The following KCND2 variants were observed in gnomAD, a reference collection of about 807,000 sequenced individuals.
KCND2 encodes potassium voltage-gated channel subfamily D member 2.
In KCND2, 16 loss-of-function variants were observed where a neutral mutation model predicts 54.4. The observed-to-expected ratio is 0.29, with a 90% CI of 0.20 to 0.45. The LOEUF is 0.45. Among genes scored for constraint, KCND2 ranks in the 20% least tolerant of loss-of-function variants. The pLI, the probability that KCND2 is intolerant of heterozygous loss-of-function variation, is 1.00. For synonymous variants in KCND2, 317 were observed against 310.7 expected, an observed-to-expected ratio of 1.02 and a Z score of -0.21; for missense variants, 486 against 824.2, an observed-to-expected ratio of 0.59 and a Z score of 5.02.
chr7:120,599,361 C>A (rs1562884321), intron 1 of KCND2, among the ~76,000 whole-genome samples: 1 of 150,822 alleles, frequency 6.6e-6, no homozygotes, highest in Non-Finnish European at 1.5e-5. Context: ...TTATTTGTCT[C>A]AAAAAAAAAT....
At chr7:120,697,066 G>A (rs1262560743) in intron 1 of KCND2, among the ~76,000 whole-genome samples, 1 of 152,008 alleles carries the variant, frequency 6.6e-6, no homozygotes, top group African/African-American at 2.4e-5. Flanking sequence ...TCAGTAAAAC[G>A]GTCATCATTT....
chr7:120,498,252 C>A (rs1213680412), intron 1 of KCND2, among the ~76,000 whole-genome samples: 1 of 152,080 alleles, frequency 6.6e-6, no homozygotes, highest in Non-Finnish European at 1.5e-5. Flanking sequence ...GAGGCCGAGG[C>A]GGGTGGATCA....
At position 120,583,784 on chromosome 7, in the gene KCND2, T is replaced by TGGGG. The variant is rs36108636; in HGVS notation, c.1116-149112_1116-149109dup. Among the ~76,000 whole-genome samples the TGGGG allele has an allele frequency of 2.6e-3, 374 of 142,604 alleles. 4 individuals carry two copies. Among genetic ancestry groups the TGGGG allele is most frequent in the African/African-American group, 9.5e-3 (346 of 36,378 alleles). 93.6% of individuals were successfully genotyped at this position (142,604 alleles called of 152,430 possible). A position where few individuals can be genotyped will look rare whatever the true frequency, so the allele number is the denominator to read the frequency against. Reference sequence around the variant, plus strand: ...GGTTAGGAATTCAGCATAGGAATTGTGGGGGGGGGGACAAAATTCAGCACA... The same window carrying TGGGG: ...GGTTAGGAATTCAGCATAGGAATTGTGGGGGGGGGGGGGGACAAAATTCAGCACA... On this transcript the variant is annotated intron_variant, in intron 1 of 5. Transcript: ENST00000331113.
intron 1 of KCND2, among the ~76,000 whole-genome samples, chr7:120,609,773 C>CA (rs754019143): frequency 2.6e-5 from 4 of 152,072 alleles, no homozygotes; most frequent in South Asian, 2.1e-4. Context: ...GCCCCTTGTA[C>CA]AAAAAATTAT....
intron 1 of KCND2, among the ~76,000 whole-genome samples, chr7:120,500,112 A>G (rs1006436266): frequency 6.6e-6 from 1 of 152,288 alleles, no homozygotes; most frequent in African/African-American, 2.4e-5. Context: ...TGAGTGTTCC[A>G]TTATAATAAT....
At chr7:120,595,231 C>A (rs1792723030) in intron 1 of KCND2, among the ~76,000 whole-genome samples, 1 of 150,332 alleles carries the variant, frequency 6.7e-6, no homozygotes, top group African/African-American at 2.4e-5. Context: ...ACGGGCAAAT[C>A]ACTTGAGGTC....
intron 1 of KCND2, among the ~76,000 whole-genome samples, chr7:120,296,163 C>T (rs527259218): frequency 6.6e-6 from 1 of 152,158 alleles, no homozygotes; most frequent in East Asian, 1.9e-4. Flanking sequence ...CATTCAGTCT[C>T]CTTTTGGCAG....
chr7:120,498,254 G>A (rs1485734595), intron 1 of KCND2, among the ~76,000 whole-genome samples: 6 of 152,168 alleles, frequency 3.9e-5, no homozygotes. Context: ...GGCCGAGGCG[G>A]GTGGATCAAG....
chr7:120,330,581 CAAAAAAAAAAA>C (rs3067024), intron 1 of KCND2, among the ~76,000 whole-genome samples: 1 of 48,382 alleles, frequency 2.1e-5, no homozygotes, highest in Non-Finnish European at 3.3e-5. Flanking sequence ...AACTCTGTCT[CAAAAAAAAAAA>C]AAAAAAAAAA....
intron 1 of KCND2, among the ~76,000 whole-genome samples, chr7:120,407,178 A>G (rs982945135): frequency 6.6e-6 from 1 of 152,004 alleles, no homozygotes; most frequent in Non-Finnish European, 1.5e-5. Flanking sequence ...TGAATGTGAA[A>G]TGTTTTTCCC....
chr7:120,692,190 C>A (rs1315924594), intron 1 of KCND2, among the ~76,000 whole-genome samples: 1 of 152,094 alleles, frequency 6.6e-6, no homozygotes, highest in African/African-American at 2.4e-5. Flanking sequence ...TCAAAGGAAG[C>A]TTTTTCATTT....
intron 1 of KCND2, among the ~76,000 whole-genome samples, chr7:120,697,149 T>G (rs1402075668): frequency 6.6e-6 from 1 of 152,188 alleles, no homozygotes; most frequent in African/African-American, 2.4e-5. Context: ...GTTTTCATTC[T>G]AATTACAGAT....
At chr7:120,645,058 G>A (rs1241717429) in intron 1 of KCND2, among the ~76,000 whole-genome samples, 1 of 152,102 alleles carries the variant, frequency 6.6e-6, no homozygotes, top group Non-Finnish European at 1.5e-5. Flanking sequence ...TATTCAGACA[G>A]CATGTGTTAT....
At chr7:120,361,942 G>T (rs1289878789) in intron 1 of KCND2, among the ~76,000 whole-genome samples, 1 of 152,012 alleles carries the variant, frequency 6.6e-6, no homozygotes, top group Non-Finnish European at 1.5e-5. Flanking sequence ...CTTTTCTGTG[G>T]ATCCAATAAA....
chr7:120,663,533 A>G (rs1189123536), intron 1 of KCND2, among the ~76,000 whole-genome samples: 1 of 152,168 alleles, frequency 6.6e-6, no homozygotes, highest in African/African-American at 2.4e-5. Flanking sequence ...GATAGATATA[A>G]CAATAGAAAT....
chr7:120,579,627 A>AATAT (rs1456157461), intron 1 of KCND2, among the ~76,000 whole-genome samples: 6 of 148,358 alleles, frequency 4.0e-5, no homozygotes, highest in Non-Finnish European at 8.9e-5. Context: ...TAAATAAATA[A>AATAT]ATAAATAAAT....
chr7:120,369,593 C>T (rs1471010506), intron 1 of KCND2, among the ~76,000 whole-genome samples: 1 of 152,016 alleles, frequency 6.6e-6, no homozygotes, highest in African/African-American at 2.4e-5. Context: ...AATATGAAAT[C>T]CCTCATTTTA....
At chr7:120,295,118 G>A (rs940809061) in intron 1 of KCND2, among the ~76,000 whole-genome samples, 6 of 151,728 alleles carry the variant, frequency 4.0e-5, no homozygotes, top group Admixed American at 6.6e-5. Context: ...GTAAGAATTC[G>A]TATTGATGCC....
At chr7:120,292,347 C>G (rs1346449639) in intron 1 of KCND2, among the ~76,000 whole-genome samples, 1 of 151,760 alleles carries the variant, frequency 6.6e-6, no homozygotes, top group Non-Finnish European at 1.5e-5. Context: ...GCAATATTAT[C>G]CAAATACCTT....
Sources: allele counts gnomAD v4.1 joint callset (sites outside exome capture counted in the v4.1 genomes callset), GRCh38; gene constraint gnomAD v4.1.1; transcripts MANE v1.5; gene names NCBI Gene and HGNC (gene_info 2026-07-23, HGNC 2026-07-21).